CABIN1: variants seen among roughly 807,000 people sequenced by gnomAD.
The protein encoded by CABIN1 is calcineurin binding protein 1.
CABIN1 carries 133 observed loss-of-function variants against 227.7 expected under a neutral mutation model. That is an observed-to-expected ratio of 0.58 (90% confidence interval 0.51 to 0.67). CABIN1 has a LOEUF of 0.67. CABIN1 is among the 30% of genes least tolerant of loss of function. The pLI is 0.00. For synonymous variants in CABIN1, 1,086 were observed against 1,155.1 expected (o/e 0.94, Z 1.21); for missense variants, 2,408 against 2,852.5 (o/e 0.84, Z 3.55).
At chr22:24,054,191 A>G (rs910322879) in intron 8 of CABIN1, among the ~76,000 whole-genome samples, 9 of 152,306 alleles carry the variant, frequency 5.9e-5, no homozygotes, top group African/African-American at 1.9e-4. Context: ...AGGGATGGAT[A>G]AATGGATACA....
intron 15 of CABIN1, among the ~76,000 whole-genome samples, chr22:24,065,596 C>T (rs1297869892): frequency 5.3e-5 from 8 of 152,106 alleles, no homozygotes; most frequent in South Asian, 2.1e-4. Context: ...ACTTCCCAGA[C>T]GGGGTGGCGG....
Position 24,050,910 on chromosome 22 carries a change from C to T in CABIN1, c.742C>T (p.Gln248Ter). ...GGCCTTGGGGCTGCGAAAAAAGAGG[C>T]AAGCGCTGATTGTGCGGGAGAAGGA... ...DEALGLRKKRQALIVREKEPD... is the reference protein window; with the variant it reads ...DEALGLRKKR Residue 248 changes from glutamine to a stop codon, truncating the protein, a stop_gained, in exon 8 of 37, where the codon CAA (glutamine) becomes TAA (stop). Transcript: ENST00000263119. LOFTEE classifies it high-confidence loss of function. 6.2e-7 allele frequency: 1 copy of T among 1,614,196 alleles called. No individual in the cohort carries two copies. The highest frequency in any genetic ancestry group is 8.5e-7 in the Non-Finnish European group (1 of 1,180,040).
intron 1 of CABIN1, among the ~76,000 whole-genome samples, chr22:24,012,945 G>C (rs763599247): frequency 6.6e-6 from 1 of 151,848 alleles, no homozygotes; most frequent in Non-Finnish European, 1.5e-5. Context: ...ATTTTTAGTA[G>C]AGACGGGGTT....
At chr22:24,049,432 G>T (rs774438180) in intron 7 of CABIN1, among the ~76,000 whole-genome samples, 6 of 152,112 alleles carry the variant, frequency 3.9e-5, no homozygotes, top group Non-Finnish European at 7.4e-5. Context: ...GCCTCCTCAG[G>T]CTGCCTGCTG....
At chr22:24,176,339 G>A in intron 35 of CABIN1, 64 bp downstream of exon 35, 1 of 1,537,904 alleles carries the variant, frequency 6.5e-7, no homozygotes, top group Non-Finnish European at 8.7e-7. Flanking sequence ...CTGGCAGCCA[G>A]GGTGGGTTTC....
Position 24,072,429 on chromosome 22 carries a change from C to T in CABIN1, c.2551C>T (p.Leu851=). Residue 851 remains leucine, a synonymous_variant, in exon 18 of 37, where the codon CTA becomes TTA. Transcript: ENST00000263119. ...CTCTTCAGTGCTACCCTGGATCATTCTACACCGGATCATCTGGCAGGAGGA... is the reference window on the plus strand; with the variant it reads ...CTCTTCAGTGCTACCCTGGATCATTTTACACCGGATCATCTGGCAGGAGGA... ...HVSSVLPWII[L]HRIIWQEEDT... is the part of the protein sequence containing the mutation. 6.2e-7 allele frequency: 1 copy of T among 1,614,194 alleles called. No individual in the cohort carries two copies. Among genetic ancestry groups the T allele is most frequent in the Non-Finnish European group, 8.5e-7 (1 of 1,180,004 alleles).
At chr22:24,093,434 T>C (rs936230629) in intron 24 of CABIN1, among the ~76,000 whole-genome samples, 6 of 152,006 alleles carry the variant, frequency 3.9e-5, no homozygotes, top group Non-Finnish European at 7.4e-5. Context: ...TCCCAACTAC[T>C]TGGGAGGCTG....
Position 24,064,134 on chromosome 22 carries a change from A to T in CABIN1, c.1984A>T (p.Ile662Phe), listed in dbSNP as rs372601045. The change falls in exon 15 of 37, where the codon ATT becomes TTT. Residue 662 changes from isoleucine (I) to phenylalanine (F), a missense_variant. Ile to Phe is a conservative substitution (Grantham distance 21, BLOSUM62 0). This residue lies in a region of CABIN1 where 1,045 missense variants were observed against 1,168.4 expected (regional missense o/e 0.89). Coordinates refer to ENST00000263119, the MANE Select transcript of CABIN1 (RefSeq NM_012295.4). Reference sequence around the variant, plus strand: ...GGAGGCAGGGGCTGAACGAAGAGACATTGTCATCCGGCTGCCCAACCTCCA... The same window carrying T: ...GGAGGCAGGGGCTGAACGAAGAGACTTTGTCATCCGGCTGCCCAACCTCCA... ...QVEAGAERRD[I>F]VIRLPNLHND... 2.5e-6 allele frequency: 4 copies of T among 1,614,180 alleles called. No homozygotes were observed. The highest frequency in any genetic ancestry group is 2.2e-5 in the South Asian group (2 of 91,080).
intron 27 of CABIN1, among the ~76,000 whole-genome samples, chr22:24,115,569 T>A (rs1171088433): frequency 6.6e-6 from 1 of 152,158 alleles, no homozygotes; most frequent in Non-Finnish European, 1.5e-5. Context: ...TGGCAGGGAA[T>A]GCTTCCCAAG....
intron 29 of CABIN1, among the ~76,000 whole-genome samples, chr22:24,136,507 G>A (rs926423199): frequency 4.9e-5 from 6 of 123,160 alleles, no homozygotes; most frequent in East Asian, 6.0e-4. Flanking sequence ...ACACTGCCAC[G>A]CCCAGCTAAT....
chr22:24,038,484 A>G, intron 4 of CABIN1, 23 bp downstream of exon 4: 2 of 1,563,520 alleles, frequency 1.3e-6, no homozygotes, highest in Non-Finnish European at 1.8e-6. Flanking sequence ...CAGGCCAGGC[A>G]GTGTGCCGTG....
At chr22:24,119,079 A>C (rs1041635576) in intron 27 of CABIN1, among the ~76,000 whole-genome samples, 2 of 152,150 alleles carry the variant, frequency 1.3e-5, no homozygotes, top group Admixed American at 1.3e-4. Flanking sequence ...CACCGTTCAG[A>C]GGGGAAGACC....
chr22:24,161,991 G>A (rs1796073047), intron 29 of CABIN1: 2 of 152,302 alleles, frequency 1.3e-5, no homozygotes, highest in Admixed American at 1.3e-4. Context: ...GCCCCTCTGT[G>A]GGGAACCGCT....
At chr22:24,038,221 C>A in intron 3 of CABIN1, 127 bp from the exon 4 acceptor site, 1 of 724,506 alleles carries the variant, frequency 1.4e-6, no homozygotes, top group Admixed American at 2.0e-5. Context: ...GGTGGGGGAG[C>A]TGAAAGTTCC....
At chr22:24,157,075 G>A (rs1344963176) in intron 29 of CABIN1, among the ~76,000 whole-genome samples, 2 of 152,194 alleles carry the variant, frequency 1.3e-5, no homozygotes, top group Non-Finnish European at 2.9e-5. Flanking sequence ...TGGGGGGTGG[G>A]GTGTAGGAGT....
At chr22:24,015,906 C>T (rs954586478) in intron 1 of CABIN1, among the ~76,000 whole-genome samples, 2 of 152,110 alleles carry the variant, frequency 1.3e-5, no homozygotes, top group Admixed American at 6.5e-5. Flanking sequence ...TGCAGAGAGC[C>T]GAGATCGCGC....
At position 24,085,048 on chromosome 22, in the gene CABIN1, G is replaced by T. The variant is rs368563267; in HGVS notation, c.3160G>T (p.Val1054Leu). ...PEGADPSPPV[V>L]NELYYLLADY... ...GGGGGCTGACCCCTCCCCTCCAGTG[G>T]TGAACGAGCTTTACTACCTCCTGGC... is the stretch of plus-strand genomic sequence containing the variant. Residue 1054 changes from valine to leucine, a missense_variant, in exon 22 of 37, where the codon GTG (valine) becomes TTG (leucine). Physicochemically the swap from Val to Leu is conservative, Grantham distance 32. This residue lies in a region of CABIN1 where 649 missense variants were observed against 910.3 expected (regional missense o/e 0.71). Coordinates refer to ENST00000263119, the MANE Select transcript of CABIN1 (RefSeq NM_012295.4). 1.2e-6 allele frequency: 2 copies of T among 1,614,212 alleles called. No individual in the cohort carries two copies. Among genetic ancestry groups the T allele is most frequent in the Admixed American group, 1.7e-5 (1 of 60,032 alleles).
rs2047057104 is a variant in CABIN1 at position 24,175,563 on chromosome 22, A to G, written c.6041-548A>G. 2.0e-5 allele frequency among the ~76,000 whole-genome samples: 3 copies of G among 152,252 alleles called. No homozygotes were observed. The South Asian group carries it at 6.2e-4, about 31-fold the overall frequency. ...CTGAGTAGTCACCTGGCCAGCAGCCACAGGCACAGCATTTGCCCCTCAGGC... is the reference window on the plus strand; with the variant it reads ...CTGAGTAGTCACCTGGCCAGCAGCCGCAGGCACAGCATTTGCCCCTCAGGC... On this transcript the variant is annotated intron_variant, in intron 34 of 36. Coordinates refer to ENST00000263119, the MANE Select transcript of CABIN1 (RefSeq NM_012295.4).
At chr22:24,021,646 G>T (rs1246744380) in intron 1 of CABIN1, among the ~76,000 whole-genome samples, 1 of 151,964 alleles carries the variant, frequency 6.6e-6, no homozygotes, top group Non-Finnish European at 1.5e-5. Flanking sequence ...CTAATTTTTA[G>T]GGTGTTACTG....
Sources: allele counts gnomAD v4.1 joint callset (sites outside exome capture counted in the v4.1 genomes callset), GRCh38; gene constraint gnomAD v4.1.1; regional missense constraint gnomAD v4.1.1; transcripts MANE v1.5; gene names NCBI Gene and HGNC (gene_info 2026-07-23, HGNC 2026-07-21).